The following CHD7 variants were observed in gnomAD, a reference collection of about 807,000 sequenced individuals.
The protein encoded by CHD7 is ATP-dependent chromatin remodeler CHD7.
In CHD7, 24 loss-of-function variants were observed where a neutral mutation model predicts 307.3. The observed-to-expected ratio is 0.08, with a 90% CI of 0.06 to 0.11. CHD7 has a LOEUF of 0.11. Among genes scored for constraint, CHD7 ranks in the 10% least tolerant of loss-of-function variants. CHD7 has a pLI of 1.00. For synonymous variants in CHD7, 1,363 were observed against 1,349.9 expected, an observed-to-expected ratio of 1.01 and a Z score of -0.21; for missense variants, 3,106 against 3,727.1, an observed-to-expected ratio of 0.83 and a Z score of 4.34.
intron 23 of CHD7, among the ~76,000 whole-genome samples, chr8:60,845,811 A>G (rs931210431): frequency 6.6e-6 from 1 of 152,234 alleles, no homozygotes; most frequent in African/African-American, 2.4e-5. Context: ...ACAATGCTGT[A>G]TACTCACTAT....
chr8:60,844,522 A>G (rs924588448), intron 21 of CHD7, among the ~76,000 whole-genome samples: 2 of 152,158 alleles, frequency 1.3e-5, no homozygotes, highest in African/African-American at 4.8e-5. Context: ...TGTACTAATC[A>G]TGACAGTGTG....
At position 60,813,939 on chromosome 8, in the gene CHD7, C is replaced by T. The variant is rs146222867; in HGVS notation, c.2499-2448C>T. Among the ~76,000 whole-genome samples the T allele has an allele frequency of 5.3e-5, 8 of 152,020 alleles. No individual in the cohort carries two copies. The East Asian group carries it at 1.5e-3, about 29-fold the overall frequency. On this transcript the variant is annotated intron_variant, in intron 7 of 37. Transcript: ENST00000423902. ...ATTAGGTATAAATATATACCTGTTT[C>T]ATAAAGAGTAGTTACATTTTTAAAT...
At position 60,678,835 on chromosome 8, in the gene CHD7, C is replaced by G. The variant is rs1326092940; in HGVS notation, c.-422C>G. 6 of 146,684 alleles carry G rather than the reference C, an allele frequency of 4.1e-5. No individual in the cohort carries two copies. The highest frequency in any genetic ancestry group is 7.5e-5 in the African/African-American group (3 of 39,818). 9.1% of individuals were successfully genotyped at this position (146,684 alleles called of 1,614,324 possible). A position where few individuals can be genotyped will look rare whatever the true frequency, so the allele number is the denominator to read the frequency against. The stretch of plus-strand genomic sequence containing the variant: ...GCGCGGGGGTTGAGTCGTGGTGGTG[C>G]GGACGCGCTCGTGCTCGGGAACTAT... On this transcript the variant is annotated 5_prime_UTR_variant, in exon 1 of 38. Coordinates refer to ENST00000423902, the MANE Select transcript of CHD7 (RefSeq NM_017780.4).
In CHD7 at chr8:60,848,532, G is replaced by A; in HGVS notation, c.5228G>A (p.Arg1743His). The change falls in exon 24 of 38, where the codon CGC becomes CAC. Residue 1743 changes from arginine to histidine, a missense_variant. Physicochemically the swap from Arg to His is conservative, Grantham distance 29. This residue lies in a region of CHD7 where 1,030 missense variants were observed against 1,165.4 expected (regional missense o/e 0.88). Coordinates refer to ENST00000423902, the MANE Select transcript of CHD7 (RefSeq NM_017780.4). ...HHCNKVLLRV[R>H]MLYYLRQEVI... ...CTCTCCAGGGTCCTGCTGCGTGTCC[G>A]CATGCTGTACTACCTAAGACAAGAA... 2 of 1,612,956 alleles carry A rather than the reference G, an allele frequency of 1.2e-6. No homozygotes were observed. The highest frequency in any genetic ancestry group is 1.7e-6 in the Non-Finnish European group (2 of 1,179,330).
In CHD7 at chr8:60,845,278, G is replaced by A; in HGVS notation, c.5079G>A (p.Arg1693=). Residue 1693 remains arginine, a synonymous_variant, in exon 23 of 38, where the codon AGG becomes AGA. Transcript: ENST00000423902. The part of the protein sequence containing the change: ...SGLSAPVPRG[R]KGKKVKAQST... ...TGTCAGCTCCTGTGCCAAGGGGAAG[G>A]AAGGGAAAGAAGGTGAAAGCCCAGA... 1 of 1,613,222 alleles carries A rather than the reference G, an allele frequency of 6.2e-7. No homozygotes were observed. Among genetic ancestry groups the A allele is most frequent in the East Asian group, 2.2e-5 (1 of 44,848 alleles).
intron 2 of CHD7, among the ~76,000 whole-genome samples, chr8:60,754,878 A>C (rs757405941): frequency 1.3e-5 from 2 of 152,226 alleles, no homozygotes; most frequent in Non-Finnish European, 2.9e-5. Context: ...GTAGTTCTAC[A>C]TAGAGAAAGT....
At chr8:60,792,653 C>T (rs954147439) in intron 3 of CHD7, among the ~76,000 whole-genome samples, 1 of 152,162 alleles carries the variant, frequency 6.6e-6, no homozygotes, top group African/African-American at 2.4e-5. Context: ...ATCATTAGCA[C>T]TTCTCTCCTT....
intron 28 of CHD7, 58 bp downstream of exon 28, chr8:60,851,377 C>CAAA (rs1805450679): frequency 7.7e-7 from 1 of 1,299,618 alleles, no homozygotes; most frequent in East Asian, 2.5e-5. Context: ...AGTCATTGTT[C>CAAA]ACGTGGTAGG....
chr8:60,781,820 G>A (rs1396348554), intron 3 of CHD7, among the ~76,000 whole-genome samples: 4 of 152,210 alleles, frequency 2.6e-5, no homozygotes, highest in East Asian at 1.9e-4. Flanking sequence ...ATTTCACTAA[G>A]CATTCCAGCC....
chr8:60,842,262 T>C (rs993377716), intron 21 of CHD7, among the ~76,000 whole-genome samples: 30 of 152,238 alleles, frequency 2.0e-4, no homozygotes, highest in African/African-American at 7.2e-4. Context: ...AGAGGTCACC[T>C]GAAGTTAAGG....
At chr8:60,726,572 C>T (rs760801808) in intron 1 of CHD7, among the ~76,000 whole-genome samples, 9 of 152,178 alleles carry the variant, frequency 5.9e-5, no homozygotes, top group East Asian at 3.9e-4. Flanking sequence ...CAAAGTACTG[C>T]GTTAAGTGCA....
At chr8:60,862,097 A>C (rs1050904976) in intron 35 of CHD7, 99 bp from the exon 36 acceptor site, 12 of 903,922 alleles carry the variant, frequency 1.3e-5, no homozygotes, top group Non-Finnish European at 1.8e-5. Context: ...TGAAACTTCC[A>C]TAATAATTGA....
intron 1 of CHD7, among the ~76,000 whole-genome samples, chr8:60,736,610 G>C (rs1808728897): frequency 6.6e-6 from 1 of 152,158 alleles, no homozygotes; most frequent in East Asian, 1.9e-4. Flanking sequence ...TTTGGAGGTG[G>C]AAGAGAGAAA....
In CHD7 at chr8:60,742,670, T is replaced by G. The variant is rs1021434443; in HGVS notation, c.1238T>G (p.Val413Gly). 10 of 1,610,532 alleles carry G rather than the reference T, an allele frequency of 6.2e-6. No homozygotes were observed. Among genetic ancestry groups the G allele is most frequent in the Non-Finnish European group, 7.6e-6 (9 of 1,177,406 alleles). ...CCAGCAGGCACTCCTCCTCCACAAG[T>G]CAGGCCGGGAAGTGCTGGGATACCA... ...SNPAGTPPPQ[V>G]RPGSAGIPME... The change falls in exon 2 of 38, where the codon GTC becomes GGC. Residue 413 changes from valine (V) to glycine (G), a missense_variant. This residue lies in a region of CHD7 where 998 missense variants were observed against 1,004.5 expected (regional missense o/e 0.99). Transcript: ENST00000423902.
intron 3 of CHD7, among the ~76,000 whole-genome samples, chr8:60,787,474 C>T (rs183135499): frequency 6.6e-6 from 1 of 152,152 alleles, no homozygotes; most frequent in Non-Finnish European, 1.5e-5. Flanking sequence ...CATTGAAAGG[C>T]CTATTTTTTA....
At chr8:60,726,433 T>C (rs902225220) in intron 1 of CHD7, among the ~76,000 whole-genome samples, 5 of 152,194 alleles carry the variant, frequency 3.3e-5, no homozygotes, top group Non-Finnish European at 7.3e-5. Context: ...AAAATTTTCA[T>C]AAAATATGAA....
Position 60,757,401 on chromosome 8 carries a change from G to A in CHD7, c.1665+14304G>A, listed in dbSNP as rs1809951833. 3.3e-5 allele frequency among the ~76,000 whole-genome samples: 5 copies of A among 152,062 alleles called. No homozygotes were observed. In the South Asian group the frequency reaches 1.0e-3, roughly 31 times the overall value. On this transcript the variant is annotated intron_variant, in intron 2 of 37. Transcript: ENST00000423902. ...CTTCAAACTTTTTTGTCTCCTAAGA[G>A]AATTTTAAAAAAAATTCTCTTTTTC...
chr8:60,717,032 C>T lies in CHD7; in HGVS notation c.-174-24227C>T, dbSNP rs893227394. Among the ~76,000 whole-genome samples the T allele has an allele frequency of 2.8e-5, 3 of 107,280 alleles. No homozygotes were observed. In the East Asian group the frequency reaches 1.0e-3, roughly 37 times the overall value. 70.4% of individuals were successfully genotyped at this position (107,280 alleles called of 152,430 possible). ...CCCCTCTTGTTACATCTACCTTAAG[C>T]CTTTTTTTTTTTTTTTTTCCTGGAG... On this transcript the variant is annotated intron_variant, in intron 1 of 37. Transcript: ENST00000423902.
chr8:60,845,471 T>C (rs1178838248), intron 23 of CHD7, 62 bp downstream of exon 23: 2 of 1,538,286 alleles, frequency 1.3e-6, no homozygotes, highest in Non-Finnish European at 8.8e-7. Context: ...AAAAAATACA[T>C]GCAGCCGGCC....
Sources: gnomAD v4.1 joint callset for allele counts (sites outside exome capture counted in the v4.1 genomes callset) on GRCh38, gnomAD v4.1.1 for gene constraint, gnomAD v4.1.1 regional missense constraint, MANE v1.5 for transcripts, NCBI Gene and HGNC (gene_info 2026-07-23, HGNC 2026-07-21) for gene names.